Variants in OSBPL10 observed in about 807,000 individuals in gnomAD.
OSBPL10 encodes oxysterol binding protein like 10.
A neutral mutation model predicts 81.7 loss-of-function variants in OSBPL10; 49 were observed. The observed-to-expected ratio is 0.60, with a 90% CI of 0.48 to 0.76. The LOEUF (loss-of-function observed/expected upper bound fraction) is 0.76, where lower values mean the gene tolerates loss of function less well. OSBPL10 is among the 30% of genes least tolerant of loss of function. The probability of loss-of-function intolerance (pLI) is 0.00; values close to 1 mark genes in which losing one functional copy is unlikely to be tolerated. For missense variants in OSBPL10, 923 were observed against 987.8 expected, an observed-to-expected ratio of 0.93 and a Z score of 0.88; for synonymous variants, 419 against 383.6, an observed-to-expected ratio of 1.09 and a Z score of -1.08.
chr3:31,762,736 T>C (rs1350841469), intron 4 of OSBPL10, among the ~76,000 whole-genome samples: 2 of 148,676 alleles, frequency 1.3e-5, no homozygotes, highest in African/African-American at 5.0e-5. Flanking sequence ...CCCAAAGTAC[T>C]GGTATTACAG....
rs1397076353 is a variant in OSBPL10, at chr3:31,857,822, G to GAGAGAGAGAA, written c.537+18610_537+18611insTTCTCTCTCT. ...AGAAAGGGAGAGAGAGAGAAAGGGA[G>GAGAGAGAGAA]AGGGAGAGGGAGAGGGAAAGAGGGA... On this transcript the variant is annotated intron_variant, in intron 3 of 11. Transcript: ENST00000396556. Among the ~76,000 whole-genome samples the GAGAGAGAGAA allele has an allele frequency of 5.0e-3, 263 of 52,144 alleles. 3 individuals carry two copies. Among genetic ancestry groups the GAGAGAGAGAA allele is most frequent in the African/African-American group, 0.019 (210 of 10,934 alleles). The allele number at this position is 52,144 out of a possible 152,430, so 34.2% of individuals were successfully genotyped here.
At chr3:31,989,454 A>G in intron 2 of OSBPL10, 1 of 1,614,240 alleles carries the variant, frequency 6.2e-7, no homozygotes, top group South Asian at 1.1e-5. Context: ...ATAGCCATGA[A>G]GCAACTATGA....
chr3:31,919,877 AT>A (rs2125704620), intron 1 of OSBPL10, among the ~76,000 whole-genome samples: 1 of 152,370 alleles, frequency 6.6e-6, no homozygotes, highest in African/African-American at 2.4e-5. Context: ...TTAGAGGATA[AT>A]GGCACTAATA....
chr3:31,817,560 A>ACCCGCACCCACACCCGCACCCG (rs74838898), intron 4 of OSBPL10, among the ~76,000 whole-genome samples: 9 of 151,788 alleles, frequency 5.9e-5, no homozygotes, highest in African/African-American at 2.2e-4. Context: ...AGCTGCACCC[A>ACCCGCACCCACACCCGCACCCG]CACCCACACC....
At chr3:31,931,116 C>A (rs1157411460) in intron 1 of OSBPL10, among the ~76,000 whole-genome samples, 38 of 150,562 alleles carry the variant, frequency 2.5e-4, no homozygotes, top group Non-Finnish European at 1.5e-5. Flanking sequence ...TAGAAGAAAC[C>A]AATAACACTG....
chr3:31,854,698 C>T (rs1700863746), intron 3 of OSBPL10, among the ~76,000 whole-genome samples: 1 of 152,154 alleles, frequency 6.6e-6, no homozygotes, highest in South Asian at 2.1e-4. Flanking sequence ...TAACATTTTA[C>T]CCCATTTGTT....
chr3:31,678,034 T>C (rs1194000901), intron 8 of OSBPL10, among the ~76,000 whole-genome samples: 16 of 140,874 alleles, frequency 1.1e-4, no homozygotes, highest in South Asian at 2.2e-4. Flanking sequence ...TGAGCCGAGA[T>C]TGCGCCACTG....
chr3:31,979,631 C>T (rs1191219959), intron 1 of OSBPL10, among the ~76,000 whole-genome samples: 3 of 152,158 alleles, frequency 2.0e-5, no homozygotes, highest in Non-Finnish European at 4.4e-5. Context: ...AAATATCCCA[C>T]CAACCACCTC....
At chr3:31,720,396 GA>G (rs1696596836) in intron 6 of OSBPL10, among the ~76,000 whole-genome samples, 1 of 152,162 alleles carries the variant, frequency 6.6e-6, no homozygotes, top group Admixed American at 6.5e-5. Context: ...AAGCAAGTTT[GA>G]AAAGGCTTCA....
At chr3:32,012,406 A>T (rs991621773) in intron 2 of OSBPL10, among the ~76,000 whole-genome samples, 2 of 152,214 alleles carry the variant, frequency 1.3e-5, no homozygotes, top group African/African-American at 4.8e-5. Flanking sequence ...ACATTTTGTC[A>T]CCACCAGGCC....
At position 31,713,093 on chromosome 3, in the gene OSBPL10, C is replaced by A. The variant is rs1442354932; in HGVS notation, c.1096-10585G>T. Among the ~76,000 whole-genome samples the A allele has an allele frequency of 1.2e-4, 19 of 152,324 alleles. No individual in the cohort carries two copies. In the East Asian group the frequency reaches 3.5e-3, roughly 28 times the overall value. On this transcript the variant is annotated intron_variant, in intron 6 of 11. Transcript: ENST00000396556. ...TCTCCTCACAGTAGCTAGAAGGCAT[C>A]TTAAATCATAAAGTTCATCACATAA... is the stretch of plus-strand genomic sequence containing the variant.
intron 2 of OSBPL10, among the ~76,000 whole-genome samples, chr3:32,033,700 C>A (rs1159969153): frequency 6.6e-6 from 1 of 152,068 alleles, no homozygotes; most frequent in African/African-American, 2.4e-5. Flanking sequence ...GACAGTAAGC[C>A]AATAGCAGCC....
intron 4 of OSBPL10, among the ~76,000 whole-genome samples, chr3:31,776,986 A>G (rs1313633414): frequency 6.7e-6 from 1 of 150,102 alleles, no homozygotes; most frequent in Non-Finnish European, 1.5e-5. Flanking sequence ...TTACAAAGAG[A>G]AAAAAAAATC....
intron 8 of OSBPL10, among the ~76,000 whole-genome samples, chr3:31,671,861 T>C (rs9809318): frequency 0.24 from 36,030 of 152,090 alleles, 4,347 homozygotes; most frequent in East Asian, 0.31. Flanking sequence ...AGAGGCCCTA[T>C]ACAGACTGGC....
chr3:31,853,020 A>G (rs548740522), intron 3 of OSBPL10, among the ~76,000 whole-genome samples: 2 of 152,346 alleles, frequency 1.3e-5, no homozygotes, highest in East Asian at 1.9e-4. Context: ...CTACTGCCCA[A>G]TGCAATGCAC....
chr3:31,711,598 C>G (rs1257031693), intron 6 of OSBPL10, among the ~76,000 whole-genome samples: 1 of 152,174 alleles, frequency 6.6e-6, no homozygotes, highest in African/African-American at 2.4e-5. Context: ...CTAGATTTAA[C>G]AGGACAGCCA....
At chr3:32,074,332 C>A (rs1231919262) in intron 1 of OSBPL10, among the ~76,000 whole-genome samples, 1 of 152,154 alleles carries the variant, frequency 6.6e-6, no homozygotes, top group East Asian at 1.9e-4. Context: ...ACGCAAACAA[C>A]TATCCCTGTT....
At chr3:31,677,900 T>C (rs555007051) in intron 8 of OSBPL10, among the ~76,000 whole-genome samples, 111 of 150,052 alleles carry the variant, frequency 7.4e-4, no homozygotes, top group Non-Finnish European at 1.3e-3. Context: ...GCTAACAAGG[T>C]GAAACCCCGT....
intron 1 of OSBPL10, among the ~76,000 whole-genome samples, chr3:32,049,898 C>G (rs188382782): frequency 6.6e-6 from 1 of 152,158 alleles, no homozygotes; most frequent in African/African-American, 2.4e-5. Context: ...TCCTTGCCTT[C>G]CCCACCTCGC....
Sources: allele counts gnomAD v4.1 joint callset (sites outside exome capture counted in the v4.1 genomes callset), GRCh38; gene constraint gnomAD v4.1.1; transcripts MANE v1.5; gene names NCBI Gene and HGNC (gene_info 2026-07-23, HGNC 2026-07-21).